Variants in KRT72 observed in about 807,000 individuals in gnomAD.
KRT72 encodes keratin, type II cytoskeletal 72.
KRT72 carries 44 observed loss-of-function variants against 44.7 expected under a neutral mutation model. That is an observed-to-expected ratio of 0.98 (90% CI 0.77 to 1.27). The LOEUF (loss-of-function observed/expected upper bound fraction) is 1.27. Among genes scored for constraint, KRT72 ranks in the 50% most tolerant of loss-of-function variants. The pLI is 0.00. For synonymous variants in KRT72, 302 were observed against 280.4 expected (o/e 1.08, Z -0.77); for missense variants, 736 against 667.1 (o/e 1.10, Z -1.14).
intron 7 of KRT72, among the ~76,000 whole-genome samples, chr12:52,587,360 C>A (rs1939805295): frequency 6.6e-6 from 1 of 152,122 alleles, no homozygotes; most frequent in African/African-American, 2.4e-5. Flanking sequence ...CTTGCTCCTC[C>A]CCCCACCCAC....
Position 52,585,682 on chromosome 12 carries a change from A to C in KRT72, c.*300T>G. 1 of 307,608 alleles carries C rather than the reference A, an allele frequency of 3.3e-6. No individual in the cohort carries two copies. 19.1% of individuals were successfully genotyped at this position (307,608 alleles called of 1,614,324 possible). On this transcript the variant is annotated 3_prime_UTR_variant, in exon 9 of 9. Transcript: ENST00000293745. ...TCCCTTGGTAGTGAAGGCCCAAGAAAGGCATGGGGGCAGAGGGGCTTGTAG... is the reference window on the plus strand; with the variant it reads ...TCCCTTGGTAGTGAAGGCCCAAGAACGGCATGGGGGCAGAGGGGCTTGTAG...
Position 52,585,673 on chromosome 12 carries a change from G to A in KRT72, c.*309C>T, listed in dbSNP as rs1939707117. 1 of 290,566 alleles carries A rather than the reference G, an allele frequency of 3.4e-6. No individual in the cohort carries two copies. The highest frequency in any genetic ancestry group is 6.4e-6 in the Non-Finnish European group (1 of 155,166). 18.0% of individuals were successfully genotyped at this position (290,566 alleles called of 1,614,324 possible). On this transcript the variant is annotated 3_prime_UTR_variant, in exon 9 of 9. Coordinates refer to ENST00000293745, the MANE Select transcript of KRT72 (RefSeq NM_080747.3). ...TGAAGAGAGTCCCTTGGTAGTGAAG[G>A]CCCAAGAAAGGCATGGGGGCAGAGG...
Position 52,592,379 on chromosome 12 carries a change from GT to G in KRT72, c.798+16del. The G allele has an allele frequency of 6.5e-7, 1 of 1,546,092 alleles. No homozygotes were observed. The highest frequency in any genetic ancestry group is 2.2e-5 in the East Asian group (1 of 44,554). On this transcript the variant is annotated intron_variant, in intron 4 of 8. Coordinates refer to ENST00000293745, the MANE Select transcript of KRT72 (RefSeq NM_080747.3). ...TAAAGGAGCAGATCTCACAAGAGAG[GT>G]CAGCCAAGTCCTTACCCCTTCATAA...
chr12:52,595,224 TAA>T (rs1940193394), intron 2 of KRT72, among the ~76,000 whole-genome samples: 1 of 151,972 alleles, frequency 6.6e-6, no homozygotes, highest in Middle Eastern at 3.2e-3. Context: ...AAAAGAAAAA[TAA>T]GTTTTATAGC....
At position 52,592,473 on chromosome 12, in the gene KRT72, T is replaced by C. The variant is rs1237979450; in HGVS notation, c.721A>G (p.Met241Val). ...TTGGCCTGGAGCTCAACCTTATTCA[T>C]GTAAGCAGCATCCACGTCCTGGGAG... ...VLKKDVDAAYMNKVELQAKVD... is the reference protein window; with the variant it reads ...VLKKDVDAAYVNKVELQAKVD... Residue 241 changes from methionine to valine, a missense_variant, in exon 4 of 9, where the codon ATG becomes GTG. Transcript: ENST00000293745. 2.5e-6 allele frequency: 4 copies of C among 1,614,058 alleles called. No homozygotes were observed. The highest frequency in any genetic ancestry group is 2.5e-6 in the Non-Finnish European group (3 of 1,179,954).
chr12:52,596,724 A>T (rs1407246647), intron 2 of KRT72, among the ~76,000 whole-genome samples: 3 of 151,814 alleles, frequency 2.0e-5, no homozygotes, highest in Admixed American at 2.0e-4. Context: ...CTAATTTTTT[A>T]TATTTTTTGT....
intron 2 of KRT72, among the ~76,000 whole-genome samples, chr12:52,597,560 TCCC>T (rs1186210889): frequency 6.6e-6 from 1 of 152,200 alleles, no homozygotes. Context: ...TTTCATTTAA[TCCC>T]CACGACAGCC....
chr12:52,590,791 G>A, intron 6 of KRT72, 45 bp downstream of exon 6: 1 of 1,526,956 alleles, frequency 6.5e-7, no homozygotes, highest in Non-Finnish European at 8.9e-7. Flanking sequence ...GGCCCAGATT[G>A]TGACTCAATA....
chr12:52,591,748 C>T, intron 4 of KRT72, 120 bp from the exon 5 acceptor site: 1 of 985,330 alleles, frequency 1.0e-6, no homozygotes, highest in Non-Finnish European at 1.5e-6. Context: ...TTGAACTCTG[C>T]CTCAGCACCA....
intron 2 of KRT72, among the ~76,000 whole-genome samples, chr12:52,598,571 TTGG>T (rs1940297872): frequency 6.6e-6 from 1 of 152,178 alleles, no homozygotes; most frequent in African/African-American, 2.4e-5. Context: ...TGCCCTGGAA[TTGG>T]TGGGGTGTCT....
chr12:52,599,756 C>T (rs913933010), intron 1 of KRT72, among the ~76,000 whole-genome samples: 4 of 152,142 alleles, frequency 2.6e-5, no homozygotes, highest in African/African-American at 9.7e-5. Context: ...GTGTTTCTTC[C>T]ATGCAGACCT....
rs985344051 is a variant in KRT72 at position 52,601,457 on chromosome 12, C to T, written c.-5G>A. ...ATGGGTCAGTTGGCGGCTCATGGCT[C>T]GCAAGTACCGGTGCTGGCCGCGCGG... On this transcript the variant is annotated 5_prime_UTR_variant, in exon 1 of 9. Coordinates refer to ENST00000293745, the MANE Select transcript of KRT72 (RefSeq NM_080747.3). 2 of 1,534,590 alleles carry T rather than the reference C, an allele frequency of 1.3e-6. No individual in the cohort carries two copies. Among genetic ancestry groups the T allele is most frequent in the Admixed American group, 3.9e-5 (2 of 50,920 alleles).
intron 6 of KRT72, among the ~76,000 whole-genome samples, chr12:52,589,382 C>T (rs1044335155): frequency 2.0e-5 from 3 of 152,154 alleles, no homozygotes; most frequent in African/African-American, 7.2e-5. Context: ...CACAGAAAAC[C>T]CTGCCCCACC....
chr12:52,587,956 G>T lies in KRT72; in HGVS notation c.1090-105C>A, dbSNP rs908863004. 27 of 1,144,878 alleles carry T rather than the reference G, an allele frequency of 2.4e-5. No individual in the cohort carries two copies. In the African/African-American group the frequency reaches 4.0e-4, roughly 17 times the overall value. The allele number at this position is 1,144,878 out of a possible 1,614,324, so 70.9% of individuals were successfully genotyped here. On this transcript the variant is annotated intron_variant, in intron 6 of 8. Transcript: ENST00000293745. ...TCCTGACTGATGGCAACTGCTTGGA[G>T]ATCCTCCTGGTTTATCCAACTTTGG...
At chr12:52,591,690 G>T (rs1940036784) in intron 4 of KRT72, 62 bp from the exon 5 acceptor site, 17 of 1,493,950 alleles carry the variant, frequency 1.1e-5, no homozygotes, top group Non-Finnish European at 1.5e-5. Context: ...AGTTCTCTTG[G>T]TCCTCCCTGG....
Position 52,601,128 on chromosome 12 carries a change from G to A in KRT72, c.325C>T (p.Pro109Ser), listed in dbSNP as rs888721644. 6.2e-7 allele frequency: 1 copy of A among 1,613,522 alleles called. No homozygotes were observed. Among genetic ancestry groups the A allele is most frequent in the South Asian group, 1.1e-5 (1 of 90,968 alleles). Residue 109 changes from proline (P) to serine (S), a missense_variant, in exon 1 of 9, where the codon CCG becomes TCG. Pro to Ser is a moderately conservative substitution (Grantham distance 74). Transcript: ENST00000293745. Reference protein sequence around the residue: ...QVTVNKSLLAPLNVEMDPEIQ... With the variant: ...QVTVNKSLLASLNVEMDPEIQ... ...TCGGGGTCCATCTCCACGTTGAGCG[G>A]GGCCAGGAGGCTCTTGTTGACGGTG...
At position 52,601,138 on chromosome 12, in the gene KRT72, G is replaced by A. The variant is rs367571211; in HGVS notation, c.315C>T (p.Ser105=). The change falls in exon 1 of 9, where the codon AGC becomes AGT. Residue 105 remains serine (S), a synonymous_variant. Transcript: ENST00000293745. The part of the protein sequence containing the change: ...GGIPQVTVNK[S]LLAPLNVEMD... Reference sequence around the variant, plus strand: ...TCTCCACGTTGAGCGGGGCCAGGAGGCTCTTGTTGACGGTGACCTGAGGGA... The same window carrying A: ...TCTCCACGTTGAGCGGGGCCAGGAGACTCTTGTTGACGGTGACCTGAGGGA... 6.2e-7 allele frequency: 1 copy of A among 1,613,682 alleles called. No homozygotes were observed. Among genetic ancestry groups the A allele is most frequent in the Admixed American group, 1.7e-5 (1 of 59,964 alleles).
rs2120824824 is a variant in KRT72 at position 52,601,245 on chromosome 12, G to T, written c.208C>A (p.Arg70Ser). Residue 70 changes from arginine to serine, a missense_variant, in exon 1 of 9, where the codon CGC becomes AGC. By Grantham distance (110) the Arg-to-Ser change is moderately radical (BLOSUM62 -1). Transcript: ENST00000293745. ...GCGGTGCCCACGAAGCCGCCCAGGCGGCCGCCGCCCCGCCGTGCAGCAGCG... is the reference window on the plus strand; with the variant it reads ...GCGGTGCCCACGAAGCCGCCCAGGCTGCCGCCGCCCCGCCGTGCAGCAGCG... The part of the protein sequence containing the change: ...LSAAARRGGG[R>S]LGGFVGTAFG... 1 of 1,574,116 alleles carries T rather than the reference G, an allele frequency of 6.4e-7. No individual in the cohort carries two copies. The highest frequency in any genetic ancestry group is 1.1e-5 in the South Asian group (1 of 87,764).
Position 52,592,565 on chromosome 12 carries a change from C to G in KRT72, c.703-74G>C, listed in dbSNP as rs188560376. The G allele has an allele frequency of 6.0e-4, 687 of 1,141,542 alleles. 3 individuals carry two copies. In the African/African-American group the frequency reaches 8.9e-3, roughly 15 times the overall value. The allele number at this position is 1,141,542 out of a possible 1,614,324, so 70.7% of individuals were successfully genotyped here. ...ATCCCTCCCTCCCTGCCACAGGAAGCCTTGCTCTTTCCTCTCCCTTCACCC... is the reference window on the plus strand; with the variant it reads ...ATCCCTCCCTCCCTGCCACAGGAAGGCTTGCTCTTTCCTCTCCCTTCACCC... On this transcript the variant is annotated intron_variant, in intron 3 of 8. Coordinates refer to ENST00000293745, the MANE Select transcript of KRT72 (RefSeq NM_080747.3).
Sources: gnomAD v4.1 joint callset for allele counts (sites outside exome capture counted in the v4.1 genomes callset) on GRCh38, gnomAD v4.1.1 for gene constraint, MANE v1.5 for transcripts, NCBI Gene and HGNC (gene_info 2026-07-23, HGNC 2026-07-21) for gene names.